The following PPP1R10 variants were observed in gnomAD, a reference collection of about 807,000 sequenced individuals.
The protein encoded by PPP1R10 is protein phosphatase 1 regulatory subunit 10, also known as serine/threonine-protein phosphatase 1 regulatory subunit 10.
In PPP1R10, 15 loss-of-function variants were observed where a neutral mutation model predicts 99.0. The observed-to-expected ratio is 0.15, with a 90% confidence interval of 0.10 to 0.23. PPP1R10 has a LOEUF of 0.23. Among genes scored for constraint, PPP1R10 ranks in the 10% least tolerant of loss-of-function variants. The pLI is 1.00. For synonymous variants in PPP1R10, 430 were observed against 449.5 expected, an observed-to-expected ratio of 0.96 and a Z score of 0.55; for missense variants, 947 against 1,259.4, an observed-to-expected ratio of 0.75 and a Z score of 3.75.
At chr6:30,611,097 G>A (rs903618486) in intron 2 of PPP1R10, among the ~76,000 whole-genome samples, 5 of 152,134 alleles carry the variant, frequency 3.3e-5, no homozygotes, top group Admixed American at 1.3e-4. Context: ...TTCCTTGAGC[G>A]CAGGAGTTTG....
chr6:30,615,355 G>A, intron 2 of PPP1R10, among the ~76,000 whole-genome samples: 1 of 152,162 alleles, frequency 6.6e-6, no homozygotes, highest in Admixed American at 6.6e-5. Context: ...ATTTTCTGCA[G>A]GGAAGAACTG....
chr6:30,608,672 G>A (rs914565019), intron 5 of PPP1R10, 107 bp downstream of exon 5: 2 of 1,347,528 alleles, frequency 1.5e-6, no homozygotes, highest in African/African-American at 1.5e-5. Flanking sequence ...TTTTTCTGCT[G>A]TTCTACCTCA....
At chr6:30,614,747 T>C (rs1444277608) in intron 2 of PPP1R10, 1 of 152,102 alleles carries the variant, frequency 6.6e-6, no homozygotes, top group Non-Finnish European at 1.5e-5. Context: ...TTCCCAGTCT[T>C]AGGTTTGCCT....
chr6:30,601,792 T>C (rs1803343115), intron 19 of PPP1R10, 134 bp from the exon 20 acceptor site: 1 of 1,274,944 alleles, frequency 7.8e-7, no homozygotes. Context: ...GGGCATAGAG[T>C]AGGAACTGCT....
At position 30,609,266 on chromosome 6, in the gene PPP1R10, C is replaced by CT; in HGVS notation, c.108-104dup. 1 of 1,075,432 alleles carries CT rather than the reference C, an allele frequency of 9.3e-7. No individual in the cohort carries two copies. The highest frequency in any genetic ancestry group is 1.3e-5 in the South Asian group (1 of 74,772). 66.6% of individuals were successfully genotyped at this position (1,075,432 alleles called of 1,614,324 possible). On this transcript the variant is annotated intron_variant, in intron 3 of 19. Coordinates refer to ENST00000376511, the MANE Select transcript of PPP1R10 (RefSeq NM_002714.4). This position sits in a 1 kb window ranked among gnomAD's most constrained non-coding sequence, Gnocchi z 4.5. ...CCTAGAGATTCCTAATGACTTGGGA[C>CT]TTTGCTCCAGAGAAGGGGAGTCACA...
chr6:30,615,840 G>T (rs1184415603), intron 2 of PPP1R10, among the ~76,000 whole-genome samples: 12 of 152,114 alleles, frequency 7.9e-5, no homozygotes, highest in Admixed American at 7.9e-4. Flanking sequence ...TGTCCTAAGT[G>T]TCTTGCAATC....
chr6:30,603,180 C>CA, intron 17 of PPP1R10, 30 bp downstream of exon 17: 3 of 1,591,014 alleles, frequency 1.9e-6, no homozygotes, highest in Non-Finnish European at 1.7e-6. Flanking sequence ...CTTCCTCCCC[C>CA]AGTCCCCTGG....
rs531556538 is a variant in PPP1R10 at position 30,610,045 on chromosome 6, T to C, written c.-11-90A>G. 99 of 794,952 alleles carry C rather than the reference T, an allele frequency of 1.2e-4. 1 individual carries two copies. In the East Asian group the frequency reaches 1.9e-3, roughly 15 times the overall value. 49.2% of individuals were successfully genotyped at this position (794,952 alleles called of 1,614,324 possible). ...GGCCCTCTAATAAACCACATCTCTA[T>C]ATTTGACAAAGTATAATGACTAATT... On this transcript the variant is annotated intron_variant, in intron 2 of 19. Coordinates refer to ENST00000376511, the MANE Select transcript of PPP1R10 (RefSeq NM_002714.4).
At chr6:30,613,754 ATCT>A (rs1804790242) in intron 2 of PPP1R10, among the ~76,000 whole-genome samples, 1 of 152,190 alleles carries the variant, frequency 6.6e-6, no homozygotes, top group Non-Finnish European at 1.5e-5. Flanking sequence ...GTTAAGGAAG[ATCT>A]TCTTTATTAA....
In PPP1R10 at chr6:30,616,822, G is replaced by A. The variant is rs1760620766; in HGVS notation, c.-356C>T. 6.6e-6 allele frequency: 1 copy of A among 152,222 alleles called. No individual in the cohort carries two copies. Among genetic ancestry groups the A allele is most frequent in the Non-Finnish European group, 1.5e-5 (1 of 68,030 alleles). The allele number at this position is 152,222 out of a possible 1,614,324, so 9.4% of individuals were successfully genotyped here. On this transcript the variant is annotated 5_prime_UTR_variant, in exon 2 of 20. Transcript: ENST00000376511. ...ACAGATTTCAAGTCCCAAGCAGCGT[G>A]GGCTGGTGGGGTGGGCAAGATAGGT...
At position 30,602,513 on chromosome 6, in the gene PPP1R10, T is replaced by TCCTCCTCGG. The variant is rs764545070; in HGVS notation, c.2127_2135dup (p.Arg710_Gly712dup). On this transcript the variant is annotated inframe_insertion, in exon 19 of 20. Transcript: ENST00000376511. The surrounding 1 kb of genome is among the most constrained non-coding windows in gnomAD (Gnocchi z 6.7). ...GAGGAGGAGGAGGAGGAGGTTCGTT[T>TCCTCCTCGG]CCTCCTCGGCCACCTCGGCCTCTAT... 1.3e-6 allele frequency: 2 copies of TCCTCCTCGG among 1,570,150 alleles called. No homozygotes were observed. The highest frequency in any genetic ancestry group is 1.7e-6 in the Non-Finnish European group (2 of 1,156,226).
At chr6:30,608,038 G>C (rs1489586326) in intron 5 of PPP1R10, 147 bp from the exon 6 acceptor site, 1 of 786,270 alleles carries the variant, frequency 1.3e-6, no homozygotes, top group African/African-American at 1.8e-5. Flanking sequence ...GCCCAGGCTA[G>C]AGTGCAGTGG....
chr6:30,601,856 A>G (rs1284619064), intron 19 of PPP1R10, 80 bp downstream of exon 19: 4 of 1,439,646 alleles, frequency 2.8e-6, no homozygotes, highest in Non-Finnish European at 3.7e-6. Flanking sequence ...CTAGCTACCA[A>G]CAGTAGTGAC....
intron 6 of PPP1R10, among the ~76,000 whole-genome samples, chr6:30,607,086 C>A (rs1307866208): frequency 6.6e-6 from 1 of 152,174 alleles, no homozygotes; most frequent in Admixed American, 6.5e-5. Context: ...GTCATCACAC[C>A]ACTCTGGAGT....
Position 30,606,750 on chromosome 6 carries a change from T to C in PPP1R10, c.460+29A>G. On this transcript the variant is annotated intron_variant, in intron 7 of 19. Coordinates refer to ENST00000376511, the MANE Select transcript of PPP1R10 (RefSeq NM_002714.4). The surrounding 1 kb of genome is among the most constrained non-coding windows in gnomAD (Gnocchi z 6.3). Reference sequence around the variant, plus strand: ...CACATCCCAATAGGAAAGAAATAAATACAAAGGATAAAGGACTAAGGAGCT... The same window carrying C: ...CACATCCCAATAGGAAAGAAATAAACACAAAGGATAAAGGACTAAGGAGCT... The C allele has an allele frequency of 6.2e-7, 1 of 1,611,318 alleles. No homozygotes were observed.
In PPP1R10 at chr6:30,606,365, C is replaced by T; in HGVS notation, c.634+103G>A. On this transcript the variant is annotated intron_variant, in intron 8 of 19. Coordinates refer to ENST00000376511, the MANE Select transcript of PPP1R10 (RefSeq NM_002714.4). This position sits in a 1 kb window ranked among gnomAD's most constrained non-coding sequence, Gnocchi z 6.3. ...ACCAAAGCTTCCTCTGCTAGTCTTC[C>T]CTCTTCCTTACGATTAACATACCAC... 1.3e-6 allele frequency: 2 copies of T among 1,572,084 alleles called. No homozygotes were observed. The highest frequency in any genetic ancestry group is 1.7e-6 in the Non-Finnish European group (2 of 1,151,448).
In PPP1R10 at chr6:30,610,806, C is replaced by T. The variant is rs577363329; in HGVS notation, c.-11-851G>A. ...AAGCCTAAAACTGAAAACCATGGAA[C>T]CTAAAAAGGGAACAGATAAAGCCAA... On this transcript the variant is annotated intron_variant, in intron 2 of 19. Transcript: ENST00000376511. Among the ~76,000 whole-genome samples the T allele has an allele frequency of 1.2e-4, 18 of 152,254 alleles. No individual in the cohort carries two copies. The South Asian group carries it at 3.7e-3, about 32-fold the overall frequency.
In PPP1R10 at chr6:30,601,436, GCTC is replaced by G. The variant is rs1803301414; in HGVS notation, c.*110_*112del. The G allele has an allele frequency of 3.5e-6, 3 of 852,154 alleles. No homozygotes were observed. Among genetic ancestry groups the G allele is most frequent in the African/African-American group, 1.7e-5 (1 of 58,962 alleles). 52.8% of individuals were successfully genotyped at this position (852,154 alleles called of 1,614,324 possible). A position where few individuals can be genotyped will look rare whatever the true frequency, so the allele number is the denominator to read the frequency against. On this transcript the variant is annotated 3_prime_UTR_variant, in exon 20 of 20. Coordinates refer to ENST00000376511, the MANE Select transcript of PPP1R10 (RefSeq NM_002714.4). ...AAGCAAGTGGGAACTGAGGGGGCCG[GCTC>G]CTCATCAGCTGGGGAAAAGGGAAAA...
rs77917145 is a variant in PPP1R10, at chr6:30,604,169, A to C, written c.1347T>G (p.Arg449=). The stretch of plus-strand genomic sequence containing the variant: ...TCTCCTCCATGTTATCATGGCTCAG[A>C]CGCCGCGCTGTCTCAAATGCATGTC... ...SDRHAFETAR[R]LSHDNMEEKV... Residue 449 remains arginine, a synonymous_variant, in exon 14 of 20, where the codon CGT becomes CGG. Coordinates refer to ENST00000376511, the MANE Select transcript of PPP1R10 (RefSeq NM_002714.4). The surrounding 1 kb of genome is among the most constrained non-coding windows in gnomAD (Gnocchi z 7.3). 5.5e-3 allele frequency: 8,895 copies of C among 1,614,124 alleles called. 61 individuals are homozygous for C. Among genetic ancestry groups the C allele is most frequent in the East Asian group, 0.034 (1,509 of 44,870 alleles).
Sources: allele counts gnomAD v4.1 joint callset (sites outside exome capture counted in the v4.1 genomes callset), GRCh38; gene constraint gnomAD v4.1.1; non-coding constraint Gnocchi (gnomAD v3.1); transcripts MANE v1.5; gene names NCBI Gene and HGNC (gene_info 2026-07-23, HGNC 2026-07-21).